UGT2B7: variants seen among roughly 807,000 people sequenced by gnomAD.
The protein encoded by UGT2B7 is UDP-glucuronosyltransferase 2B7.
UGT2B7 carries 51 observed loss-of-function variants against 51.9 expected under a neutral mutation model. The observed-to-expected ratio is 0.98, with a 90% CI of 0.78 to 1.24. UGT2B7 has a LOEUF of 1.24. Ranked by LOEUF, UGT2B7 falls within the 50% of genes most tolerant of loss-of-function variation. The pLI is 0.00. For missense variants in UGT2B7, 727 were observed against 628.4 expected (o/e 1.16, Z -1.68); for synonymous variants, 225 against 211.6 (o/e 1.06, Z -0.55).
chr4:69,102,503 T>A (rs1719451258), intron 2 of UGT2B7, among the ~76,000 whole-genome samples: 1 of 152,142 alleles, frequency 6.6e-6, no homozygotes, highest in African/African-American at 2.4e-5. Flanking sequence ...GTGTATAATA[T>A]TTTTAACATT....
At chr4:69,074,857 T>C (rs563801172) in intron 1 of UGT2B7, among the ~76,000 whole-genome samples, 2 of 152,162 alleles carry the variant, frequency 1.3e-5, no homozygotes, top group Non-Finnish European at 2.9e-5. Context: ...CTTCATTTTA[T>C]ACTAGGCTGT....
intron 1 of UGT2B7, among the ~76,000 whole-genome samples, chr4:69,083,986 C>G (rs1292160944): frequency 6.6e-6 from 1 of 151,970 alleles, no homozygotes; most frequent in African/African-American, 2.4e-5. Flanking sequence ...TCCAACTTTC[C>G]TTTTTTACTC....
At chr4:69,107,148 A>G in intron 3 of UGT2B7, 27 bp from the exon 4 acceptor site, 2 of 1,598,760 alleles carry the variant, frequency 1.3e-6, no homozygotes, top group Middle Eastern at 3.3e-4. Context: ...CCACTCATGG[A>G]ATAAAATATT....
Position 69,097,163 on chromosome 4 carries a change from A to T in UGT2B7, c.643A>T (p.Ile215Phe). Residue 215 changes from isoleucine to phenylalanine, a missense_variant, in exon 1 of 6, where the codon ATC (isoleucine) becomes TTC (phenylalanine). Physicochemically the swap from Ile to Phe is conservative, Grantham distance 21. Transcript: ENST00000305231. ...MTFMERVKNM[I>F]YVLYFDFWFE... ...TTTCATGGAGAGGGTAAAAAATATG[A>T]TCTATGTGCTTTACTTTGACTTTTG... is the stretch of plus-strand genomic sequence containing the variant. 1 of 1,613,386 alleles carries T rather than the reference A, an allele frequency of 6.2e-7. No homozygotes were observed. The highest frequency in any genetic ancestry group is 8.5e-7 in the Non-Finnish European group (1 of 1,179,582).
chr4:69,062,298 G>A (rs1368353670), intron 1 of UGT2B7, among the ~76,000 whole-genome samples: 2 of 152,230 alleles, frequency 1.3e-5, no homozygotes, highest in East Asian at 3.9e-4. Flanking sequence ...CCAATCATAA[G>A]TCAGATTAAA....
At chr4:69,102,657 C>T (rs755388380) in intron 2 of UGT2B7, 150 bp from the exon 3 acceptor site, 39 of 1,234,118 alleles carry the variant, frequency 3.2e-5, no homozygotes, top group Non-Finnish European at 4.3e-5. Flanking sequence ...TGCAAAAAAA[C>T]TGAGTGATTG....
chr4:69,107,345 G>C (rs1316360659), intron 4 of UGT2B7, 83 bp downstream of exon 4: 1 of 1,405,454 alleles, frequency 7.1e-7, no homozygotes, highest in Non-Finnish European at 9.6e-7. Context: ...CAAGCTTATT[G>C]AATATTTGTT....
At chr4:69,069,192 G>A (rs1577910320) in intron 1 of UGT2B7, among the ~76,000 whole-genome samples, 1 of 151,618 alleles carries the variant, frequency 6.6e-6, no homozygotes, top group Non-Finnish European at 1.5e-5. Flanking sequence ...ATCCATTGAT[G>A]TAATGTTAAT....
chr4:69,103,078 A>G, intron 3 of UGT2B7, 140 bp downstream of exon 3: 3 of 1,451,892 alleles, frequency 2.1e-6, no homozygotes, highest in Non-Finnish European at 2.7e-6. Flanking sequence ...TCTTGGAGAA[A>G]CTATGAGAAG....
At chr4:69,080,331 T>A (rs938723803) in intron 1 of UGT2B7, among the ~76,000 whole-genome samples, 3 of 152,126 alleles carry the variant, frequency 2.0e-5, no homozygotes, top group African/African-American at 7.2e-5. Context: ...TTGGATCACC[T>A]GAGGTCAGGA....
At chr4:69,092,824 C>T (rs929010355), upstream of UGT2B7, among the ~76,000 whole-genome samples, 2 of 151,630 alleles carry the variant, frequency 1.3e-5, no homozygotes, top group Non-Finnish European at 2.9e-5. Context: ...AACAGTGATA[C>T]CAATGAAAGA....
intron 1 of UGT2B7, among the ~76,000 whole-genome samples, chr4:69,083,718 T>G (rs1018213832): frequency 6.6e-5 from 10 of 152,146 alleles, no homozygotes; most frequent in Admixed American, 1.3e-4. Flanking sequence ...AACTGATTTT[T>G]GGGTGATGAT....
upstream of UGT2B7, chr4:69,096,325 T>A (rs1267243925): frequency 4.0e-5 from 33 of 816,522 alleles, no homozygotes; most frequent in Non-Finnish European, 6.1e-5. Flanking sequence ...ATTAATCACA[T>A]CTGTGTGAAC....
At chr4:69,055,147 A>G (rs945823369) in intron 1 of UGT2B7, among the ~76,000 whole-genome samples, 2 of 149,900 alleles carry the variant, frequency 1.3e-5, no homozygotes, top group African/African-American at 4.9e-5. Flanking sequence ...CAAAAACGTA[A>G]TCTTAAAATT....
chr4:69,112,914 C>T lies in UGT2B7; in HGVS notation c.*178C>T. ...AATTTGTTTTTCAGAGATTTACCAC[C>T]CAGTTCATGGTTAGAAATATTTTGT... On this transcript the variant is annotated 3_prime_UTR_variant, in exon 6 of 6. Transcript: ENST00000305231. 1.1e-6 allele frequency: 1 copy of T among 923,638 alleles called. No individual in the cohort carries two copies. Among genetic ancestry groups the T allele is most frequent in the Non-Finnish European group, 1.5e-6 (1 of 660,486 alleles). The allele number at this position is 923,638 out of a possible 1,614,324, so 57.2% of individuals were successfully genotyped here.
Position 69,112,923 on chromosome 4 carries a change from G to A in UGT2B7, c.*187G>A. The A allele has an allele frequency of 2.4e-6, 2 of 849,046 alleles. No individual in the cohort carries two copies. Among genetic ancestry groups the A allele is most frequent in the Non-Finnish European group, 3.3e-6 (2 of 601,180 alleles). The allele number at this position is 849,046 out of a possible 1,614,324, so 52.6% of individuals were successfully genotyped here. ...TTCAGAGATTTACCACCCAGTTCAT[G>A]GTTAGAAATATTTTGTGGCAATGAA... is the stretch of plus-strand genomic sequence containing the variant. On this transcript the variant is annotated 3_prime_UTR_variant, in exon 6 of 6. Transcript: ENST00000305231.
intron 3 of UGT2B7, 111 bp from the exon 4 acceptor site, chr4:69,107,064 G>C: frequency 2.5e-6 from 3 of 1,213,180 alleles, no homozygotes; most frequent in Non-Finnish European, 2.3e-6. Context: ...TCTTTGAGTA[G>C]TTCTTATTTA....
chr4:69,064,104 A>AGAGAGAGAGAG (rs1560499781), intron 1 of UGT2B7, among the ~76,000 whole-genome samples: 5 of 110,558 alleles, frequency 4.5e-5, no homozygotes, highest in Non-Finnish European at 8.9e-5. Context: ...AAGAGAAAGA[A>AGAGAGAGAGAG]AGAAAGAAAA....
At chr4:69,100,572 G>A (rs1353200562) in intron 2 of UGT2B7, among the ~76,000 whole-genome samples, 1 of 151,826 alleles carries the variant, frequency 6.6e-6, no homozygotes, top group African/African-American at 2.4e-5. Context: ...TAAGACTAAT[G>A]AAAAATCTAT....
Sources: allele counts gnomAD v4.1 joint callset (sites outside exome capture counted in the v4.1 genomes callset), GRCh38; gene constraint gnomAD v4.1.1; transcripts MANE v1.5; gene names NCBI Gene and HGNC (gene_info 2026-07-23, HGNC 2026-07-21).